GRK5: variants seen among roughly 807,000 people sequenced by gnomAD.
GRK5 encodes the protein g protein-coupled receptor kinase GRK5.
GRK5 carries 40 observed loss-of-function variants against 78.4 expected under a neutral mutation model. That is an observed-to-expected ratio of 0.51 (90% CI 0.40 to 0.66). The LOEUF (loss-of-function observed/expected upper bound fraction) is 0.66, where lower values mean the gene tolerates loss of function less well. Among genes scored for constraint, GRK5 ranks in the 30% least tolerant of loss-of-function variants. The pLI is 0.00. For synonymous variants in GRK5, 289 were observed against 296.8 expected (o/e 0.97, Z 0.27); for missense variants, 598 against 759.9 (o/e 0.79, Z 2.50).
intron 1 of GRK5, among the ~76,000 whole-genome samples, chr10:119,305,678 C>G (rs939643601): frequency 3.4e-4 from 52 of 152,114 alleles, no homozygotes; most frequent in Non-Finnish European, 6.8e-4. Flanking sequence ...TGCCACTCCC[C>G]GGGAGACACG....
intron 1 of GRK5, among the ~76,000 whole-genome samples, chr10:119,251,224 T>G (rs1176434471): frequency 2.0e-5 from 3 of 152,212 alleles, no homozygotes; most frequent in Non-Finnish European, 4.4e-5. Flanking sequence ...ACAAGGAATG[T>G]GAACCATTTG....
chr10:119,261,487 C>T (rs1360533981), intron 1 of GRK5, among the ~76,000 whole-genome samples: 6 of 151,508 alleles, frequency 4.0e-5, no homozygotes, highest in Non-Finnish European at 8.8e-5. Context: ...CCTCACTTCC[C>T]AGACGGGGTG....
chr10:119,385,454 C>T (rs756035290), intron 3 of GRK5, among the ~76,000 whole-genome samples: 1 of 152,026 alleles, frequency 6.6e-6, no homozygotes, highest in African/African-American at 2.4e-5. Flanking sequence ...TCAAGAATCC[C>T]TCTGGCTTCC....
chr10:119,318,730 C>T lies in GRK5; in HGVS notation c.53-7786C>T, dbSNP rs114742260. On this transcript the variant is annotated intron_variant, in intron 1 of 15. Transcript: ENST00000392870. ...TCAGGTCGTCCCACTGCCCTCCCCA[C>T]AAGCACTGCACCTCCCCCATCCTCA... 5.8e-3 allele frequency among the ~76,000 whole-genome samples: 881 copies of T among 152,192 alleles called. 13 individuals carry two copies. The highest frequency in any genetic ancestry group is 0.02 in the African/African-American group (847 of 41,524).
At chr10:119,228,773 G>A (rs1452990620) in intron 1 of GRK5, among the ~76,000 whole-genome samples, 5 of 152,142 alleles carry the variant, frequency 3.3e-5, no homozygotes, top group African/African-American at 1.2e-4. Flanking sequence ...GTCTTTTTTG[G>A]GGAGGGGGTG....
intron 10 of GRK5, among the ~76,000 whole-genome samples, chr10:119,441,211 T>A (rs1853027921): frequency 6.6e-6 from 1 of 152,184 alleles, no homozygotes; most frequent in African/African-American, 2.4e-5. Context: ...CTATCCTGAC[T>A]GTCAGCCCCC....
At chr10:119,395,678 G>A (rs115892345) in intron 3 of GRK5, among the ~76,000 whole-genome samples, 1,564 of 152,272 alleles carry the variant, frequency 0.01, 30 homozygotes, top group African/African-American at 0.036. Flanking sequence ...AGATGTGAGC[G>A]AAGGAGCCCC....
In GRK5 at chr10:119,436,767, G is replaced by A. The variant is rs776087061; in HGVS notation, c.855G>A (p.Glu285=). ...ACATGGGCAACCCTGGCTTCGAGGAGGAGCGGGCCTTGTTTTATGCGGCAG... is the reference window on the plus strand; with the variant it reads ...ACATGGGCAACCCTGGCTTCGAGGAAGAGCGGGCCTTGTTTTATGCGGCAG... ...IYNMGNPGFE[E]ERALFYAAEI... is the part of the protein sequence containing the mutation. The change falls in exon 9 of 16, where the codon GAG becomes GAA. Residue 285 remains glutamate, a synonymous_variant. Transcript: ENST00000392870. 1.2e-5 allele frequency: 20 copies of A among 1,614,058 alleles called. No homozygotes were observed. The African/African-American group carries it at 2.7e-4, about 22-fold the overall frequency.
intron 2 of GRK5, among the ~76,000 whole-genome samples, chr10:119,352,381 G>A (rs916554856): frequency 6.6e-6 from 1 of 152,200 alleles, no homozygotes; most frequent in African/African-American, 2.4e-5. Flanking sequence ...TTTTCTGGAA[G>A]GGAAAGCTAA....
chr10:119,305,628 C>G (rs1589733452), intron 1 of GRK5, among the ~76,000 whole-genome samples: 1 of 152,156 alleles, frequency 6.6e-6, no homozygotes, highest in African/African-American at 2.4e-5. Context: ...GACCCTAAGA[C>G]CTGAGGACTT....
chr10:119,375,608 A>T (rs1851610731), intron 2 of GRK5, among the ~76,000 whole-genome samples: 2 of 152,190 alleles, frequency 1.3e-5, no homozygotes. Context: ...ACTGCTAAGG[A>T]CAAGGACTAA....
chr10:119,333,628 G>A, intron 2 of GRK5: 1 of 394,006 alleles, frequency 2.5e-6, no homozygotes, highest in South Asian at 1.9e-5. Flanking sequence ...GCCCCAGCCA[G>A]TACTCAAGGC....
intron 1 of GRK5, among the ~76,000 whole-genome samples, chr10:119,287,838 T>G (rs1849882603): frequency 6.6e-6 from 1 of 152,188 alleles, no homozygotes; most frequent in Non-Finnish European, 1.5e-5. Flanking sequence ...CCCCATACCA[T>G]AGAGGACGCT....
Position 119,217,430 on chromosome 10 carries a change from A to G in GRK5, c.52+9461A>G, listed in dbSNP as rs927632382. Among the ~76,000 whole-genome samples, 4 of 152,230 alleles carry G rather than the reference A, an allele frequency of 2.6e-5. No individual in the cohort carries two copies. Among genetic ancestry groups the G allele is most frequent in the Non-Finnish European group, 5.9e-5 (4 of 68,048 alleles). ...ACATGCCATACATAAGTGCCTGTAC[A>G]CACATAAGCACATGTGTACGTATGT... On this transcript the variant is annotated intron_variant, in intron 1 of 15. Coordinates refer to ENST00000392870, the MANE Select transcript of GRK5 (RefSeq NM_005308.3). The surrounding 1 kb of genome is among the most constrained non-coding windows in gnomAD (Gnocchi z 4.1).
At chr10:119,323,376 CGAGAGGAATGGGGAGCAGGG>C (rs1850618686) in intron 1 of GRK5, among the ~76,000 whole-genome samples, 2 of 152,138 alleles carry the variant, frequency 1.3e-5, no homozygotes, top group African/African-American at 4.8e-5. Context: ...CAGTAGTGTG[CGAGAGGAATGGGGAGCAGGG>C]GATGGACCCG....
Position 119,264,653 on chromosome 10 carries a change from T to G in GRK5, c.52+56684T>G, listed in dbSNP as rs1849464586. On this transcript the variant is annotated intron_variant, in intron 1 of 15. Coordinates refer to ENST00000392870, the MANE Select transcript of GRK5 (RefSeq NM_005308.3). This position sits in a 1 kb window ranked among gnomAD's most constrained non-coding sequence, Gnocchi z 4.1. ...GAAATTGATCGTCATGGACAGGGGTTCACGTTCTGTGCTTCGTGAGATCTG... is the reference window on the plus strand; with the variant it reads ...GAAATTGATCGTCATGGACAGGGGTGCACGTTCTGTGCTTCGTGAGATCTG... Among the ~76,000 whole-genome samples the G allele has an allele frequency of 1.3e-5, 2 of 152,206 alleles. No homozygotes were observed. The highest frequency in any genetic ancestry group is 2.9e-5 in the Non-Finnish European group (2 of 68,036).
chr10:119,369,072 G>C (rs550457133), intron 2 of GRK5, among the ~76,000 whole-genome samples: 9 of 152,158 alleles, frequency 5.9e-5, no homozygotes, highest in Non-Finnish European at 1.0e-4. Flanking sequence ...TGATCCAGGT[G>C]GTGGGGATAA....
At chr10:119,268,164 A>G (rs1382954769) in intron 1 of GRK5, among the ~76,000 whole-genome samples, 1 of 152,248 alleles carries the variant, frequency 6.6e-6, no homozygotes. Flanking sequence ...AATTTTCTGT[A>G]TTGGTTGTTT....
intron 1 of GRK5, among the ~76,000 whole-genome samples, chr10:119,278,939 G>T (rs1354782716): frequency 1.3e-5 from 2 of 152,178 alleles, no homozygotes; most frequent in African/African-American, 4.8e-5. Flanking sequence ...GTGCAGTGGT[G>T]CAGTCTTGGC....
Sources: gnomAD v4.1 joint callset for allele counts (sites outside exome capture counted in the v4.1 genomes callset) on GRCh38, gnomAD v4.1.1 for gene constraint, Gnocchi (gnomAD v3.1) non-coding constraint, MANE v1.5 for transcripts, NCBI Gene and HGNC (gene_info 2026-07-23, HGNC 2026-07-21) for gene names.